Variants in ADD1 observed in about 807,000 individuals in gnomAD.
ADD1 encodes the protein alpha-adducin.
A neutral mutation model predicts 80.5 loss-of-function variants in ADD1; 24 were observed. The ratio of observed to expected loss-of-function variants is 0.30; its 90% CI spans 0.22 to 0.42. ADD1 has a LOEUF of 0.42. ADD1 is among the 10% of genes least tolerant of loss of function. ADD1 has a pLI of 1.00. For synonymous variants in ADD1, 373 were observed against 393.8 expected (o/e 0.95, Z 0.63); for missense variants, 948 against 1,019.0 (o/e 0.93, Z 0.95).
At chr4:2,903,017 C>T (rs1404886014) in intron 9 of ADD1, 1 of 150,144 alleles carries the variant, frequency 6.7e-6, no homozygotes, top group African/African-American at 2.5e-5. Context: ...TGGAGTGAGA[C>T]TCTGTCTCAA....
intron 4 of ADD1, among the ~76,000 whole-genome samples, chr4:2,888,592 A>G (rs773132065): frequency 2.0e-5 from 3 of 150,162 alleles, no homozygotes; most frequent in African/African-American, 7.4e-5. Flanking sequence ...ATTTTTTTGT[A>G]TTTTTACTAG....
At chr4:2,851,278 C>G (rs1260164932) in intron 1 of ADD1, among the ~76,000 whole-genome samples, 1 of 152,196 alleles carries the variant, frequency 6.6e-6, no homozygotes, top group Non-Finnish European at 1.5e-5. Context: ...ATTCTCTGAA[C>G]TAATTTTTCT....
intron 4 of ADD1, among the ~76,000 whole-genome samples, chr4:2,892,733 G>C (rs1427756910): frequency 1.3e-5 from 2 of 151,848 alleles, no homozygotes; most frequent in African/African-American, 4.8e-5. Context: ...TACTCAGGAG[G>C]CTGAGATGTG....
At chr4:2,914,686 T>C (rs1738678819) in intron 13 of ADD1, 198 bp from the exon 14 acceptor site, 1 of 549,298 alleles carries the variant, frequency 1.8e-6, no homozygotes, top group South Asian at 2.8e-5. Context: ...CTGTTCATCG[T>C]GGCACTGACC....
At chr4:2,866,278 T>C (rs756029262) in intron 1 of ADD1, among the ~76,000 whole-genome samples, 1 of 152,222 alleles carries the variant, frequency 6.6e-6, no homozygotes, top group African/African-American at 2.4e-5. Flanking sequence ...GCAATTCTCC[T>C]GCCTCAGCCT....
chr4:2,847,984 G>A (rs1726506375), intron 1 of ADD1, among the ~76,000 whole-genome samples: 1 of 152,172 alleles, frequency 6.6e-6, no homozygotes, highest in Admixed American at 6.5e-5. Flanking sequence ...GGAGGCCGAG[G>A]CAGGTGGATC....
chr4:2,906,210 G>C (rs1182059107), intron 10 of ADD1, among the ~76,000 whole-genome samples: 1 of 152,184 alleles, frequency 6.6e-6, no homozygotes, highest in Non-Finnish European at 1.5e-5. Context: ...CCGTGCTCCT[G>C]AGCGGCCGCG....
At chr4:2,901,850 C>T (rs1254821033) in intron 9 of ADD1, 4 of 35,980 alleles carry the variant, frequency 1.1e-4, no homozygotes, top group African/African-American at 5.0e-4. Context: ...GCTAAATTGT[C>T]CCCCCCCCAA....
intron 6 of ADD1, among the ~76,000 whole-genome samples, chr4:2,895,102 A>T (rs1734978062): frequency 6.6e-6 from 1 of 152,106 alleles, no homozygotes; most frequent in Admixed American, 6.5e-5. Flanking sequence ...TGTACAAAAA[A>T]AATTAAAAAA....
chr4:2,892,802 C>T (rs1317857576), intron 4 of ADD1, among the ~76,000 whole-genome samples: 1 of 151,082 alleles, frequency 6.6e-6, no homozygotes, highest in East Asian at 1.9e-4. Flanking sequence ...CACTGCATTA[C>T]AGCCTGGGTA....
intron 6 of ADD1, among the ~76,000 whole-genome samples, chr4:2,896,091 GT>G (rs1199088712): frequency 5.9e-5 from 9 of 151,824 alleles, no homozygotes; most frequent in African/African-American, 2.2e-4. Flanking sequence ...GTTTCACCGT[GT>G]TAGCCAGAAT....
chr4:2,907,612 T>G (rs1737276541), intron 10 of ADD1, 131 bp from the exon 11 acceptor site: 2 of 774,048 alleles, frequency 2.6e-6, no homozygotes, highest in Non-Finnish European at 4.5e-6. Context: ...CCAGATTAGA[T>G]GTGGTCATTG....
At chr4:2,895,047 C>T (rs1734966173) in intron 6 of ADD1, among the ~76,000 whole-genome samples, 1 of 151,802 alleles carries the variant, frequency 6.6e-6, no homozygotes, top group Non-Finnish European at 1.5e-5. Context: ...GATTGCTGAG[C>T]CCAGGAGTTG....
At chr4:2,861,861 C>T (rs921311465) in intron 1 of ADD1, among the ~76,000 whole-genome samples, 16 of 152,172 alleles carry the variant, frequency 1.1e-4, no homozygotes, top group African/African-American at 3.6e-4. Flanking sequence ...ACCTGTTGCC[C>T]ACATGTGGCC....
chr4:2,868,009 G>A (rs1226269178), intron 1 of ADD1: 1 of 152,204 alleles, frequency 6.6e-6, no homozygotes, highest in Non-Finnish European at 1.5e-5. Context: ...GAGGACATCC[G>A]GAGACACAGG....
chr4:2,908,631 T>C (rs1324982504), intron 12 of ADD1, 27 bp downstream of exon 12: 27 of 1,590,732 alleles, frequency 1.7e-5, no homozygotes, highest in Admixed American at 3.3e-5. Context: ...TCTCTGACTT[T>C]AGTGGGTGGT....
chr4:2,885,643 T>C (rs1018691358), intron 4 of ADD1, among the ~76,000 whole-genome samples: 1 of 151,092 alleles, frequency 6.6e-6, no homozygotes, highest in Non-Finnish European at 1.5e-5. Context: ...AGAGACTTGC[T>C]CTGTTGCCCA....
At chr4:2,916,083 G>A (rs1738982104) in intron 14 of ADD1, among the ~76,000 whole-genome samples, 1 of 152,036 alleles carries the variant, frequency 6.6e-6, no homozygotes, top group African/African-American at 2.4e-5. Flanking sequence ...TCCCAGGGAG[G>A]TTTCTGTCCA....
chr4:2,880,953 A>G (rs1443031691), intron 2 of ADD1, among the ~76,000 whole-genome samples: 2 of 152,032 alleles, frequency 1.3e-5, no homozygotes, highest in Non-Finnish European at 2.9e-5. Flanking sequence ...TTTTTTCCAC[A>G]TTTAAAAGTA....
Sources: gnomAD v4.1 joint callset for allele counts (sites outside exome capture counted in the v4.1 genomes callset) on GRCh38, gnomAD v4.1.1 for gene constraint, MANE v1.5 for transcripts, NCBI Gene and HGNC (gene_info 2026-07-23, HGNC 2026-07-21) for gene names.